MCM3AP: variants seen among roughly 807,000 people sequenced by gnomAD.
The protein encoded by MCM3AP is germinal-center associated nuclear protein.
A neutral mutation model predicts 184.1 loss-of-function variants in MCM3AP; 126 were observed. That is an observed-to-expected ratio of 0.68 (90% CI 0.59 to 0.79). MCM3AP has a LOEUF of 0.79. Ranked by LOEUF, MCM3AP falls within the 30% of genes least tolerant of loss-of-function variation. The probability of loss-of-function intolerance (pLI) is 0.00; values close to 1 mark genes in which losing one functional copy is unlikely to be tolerated. For missense variants in MCM3AP, 2,496 were observed against 2,479.2 expected (o/e 1.01, Z -0.14); for synonymous variants, 1,002 against 979.3 (o/e 1.02, Z -0.43).
At chr21:46,251,036 ACTTCTTTTT>A (rs2080859835) in intron 20 of MCM3AP, 1 of 152,250 alleles carries the variant, frequency 6.6e-6, no homozygotes, top group African/African-American at 2.4e-5. Flanking sequence ...GCATTATTTG[ACTTCTTTTT>A]AAGTACACGG....
intron 24 of MCM3AP, 23 bp from the exon 25 acceptor site, chr21:46,242,954 G>C: frequency 6.8e-7 from 1 of 1,469,412 alleles, no homozygotes; most frequent in Non-Finnish European, 9.1e-7. Flanking sequence ...TACAAAAACA[G>C]ATAAAGAGGC....
Position 46,280,583 on chromosome 21 carries a change from A to G in MCM3AP, c.1444-8T>C. On this transcript the variant is annotated splice_region_variant and splice_polypyrimidine_tract_variant and intron_variant, in intron 2 of 27. Coordinates refer to ENST00000291688, the MANE Select transcript of MCM3AP (RefSeq NM_003906.5). ...AGCCAGGGCTGCAGATGCCTGGAAA[A>G]CAGTCCACAACCGCCATGTGTGAGT... The G allele has an allele frequency of 1.3e-6, 2 of 1,594,072 alleles. No homozygotes were observed. Among genetic ancestry groups the G allele is most frequent in the Non-Finnish European group, 1.7e-6 (2 of 1,163,510 alleles).
chr21:46,270,273 G>A (rs769611415), intron 9 of MCM3AP, 128 bp downstream of exon 9: 9 of 854,142 alleles, frequency 1.1e-5, no homozygotes, highest in African/African-American at 1.7e-5. Flanking sequence ...CCCTTCGTGG[G>A]GCTGCTGCAA....
At chr21:46,256,655 C>CCG in intron 17 of MCM3AP, 134 bp downstream of exon 17, 1 of 1,141,486 alleles carries the variant, frequency 8.8e-7, no homozygotes, top group Non-Finnish European at 1.2e-6. Context: ...CTGTCCTCGC[C>CCG]TCCAGGCTTC....
chr21:46,281,641 G>A (rs1333406428), intron 2 of MCM3AP, among the ~76,000 whole-genome samples: 1 of 152,062 alleles, frequency 6.6e-6, no homozygotes, highest in Non-Finnish European at 1.5e-5. Flanking sequence ...GGGCCACATA[G>A]TGAAACTTCA....
chr21:46,282,994 C>T lies in MCM3AP; in HGVS notation c.1443+621G>A, dbSNP rs180967735. On this transcript the variant is annotated intron_variant, in intron 2 of 27. Coordinates refer to ENST00000291688, the MANE Select transcript of MCM3AP (RefSeq NM_003906.5). ...AGACTGGAGTGCAGTGGCACGAACTCGGCTCACTGCAACCGCCGCCTCCCG... is the reference window on the plus strand; with the variant it reads ...AGACTGGAGTGCAGTGGCACGAACTTGGCTCACTGCAACCGCCGCCTCCCG... Among the ~76,000 whole-genome samples, 32 of 151,618 alleles carry T rather than the reference C, an allele frequency of 2.1e-4. No individual in the cohort carries two copies. The East Asian group carries it at 5.3e-3, about 25-fold the overall frequency.
At position 46,261,213 on chromosome 21, in the gene MCM3AP, T is replaced by C. The variant is rs2839180; in HGVS notation, c.3467+67A>G. On this transcript the variant is annotated intron_variant, in intron 14 of 27. Coordinates refer to ENST00000291688, the MANE Select transcript of MCM3AP (RefSeq NM_003906.5). Reference sequence around the variant, plus strand: ...TGGACAATAGCAGGAGCATCGTGGCTAGGGTCAGTTCTTGCCTGTGTCCAC... The same window carrying C: ...TGGACAATAGCAGGAGCATCGTGGCCAGGGTCAGTTCTTGCCTGTGTCCAC... 0.65 allele frequency: 1,033,836 copies of C among 1,581,476 alleles called. 345,288 individuals carry two copies. Among genetic ancestry groups the C allele is most frequent in the Non-Finnish European group, 0.69 (795,313 of 1,157,308 alleles).
In MCM3AP at chr21:46,262,904, C is replaced by G. The variant is rs2081058304; in HGVS notation, c.3335+1213G>C. Among the ~76,000 whole-genome samples, 5 of 143,910 alleles carry G rather than the reference C, an allele frequency of 3.5e-5. No individual in the cohort carries two copies. The Admixed American group carries it at 3.5e-4, about 10-fold the overall frequency. 94.4% of individuals were successfully genotyped at this position (143,910 alleles called of 152,430 possible). A position where few individuals can be genotyped will look rare whatever the true frequency, so the allele number is the denominator to read the frequency against. Reference sequence around the variant, plus strand: ...ATGGCGTGAACCCCGGGGGGCGGAGCCTGCAGTGAGCCGAGATCACGCCAC... The same window carrying G: ...ATGGCGTGAACCCCGGGGGGCGGAGGCTGCAGTGAGCCGAGATCACGCCAC... On this transcript the variant is annotated intron_variant, in intron 13 of 27. Transcript: ENST00000291688.
intron 22 of MCM3AP, among the ~76,000 whole-genome samples, chr21:46,245,599 C>T (rs1208042949): frequency 6.6e-6 from 1 of 152,178 alleles, no homozygotes; most frequent in Non-Finnish European, 1.5e-5. Context: ...GGTTATCTTA[C>T]TTCCTATAGT....
Position 46,284,063 on chromosome 21 carries a change from C to T in MCM3AP, c.1219+5G>A. The stretch of plus-strand genomic sequence containing the variant: ...TACTCTATGTGCTACATTTTCAGAG[C>T]TCACCTTCTTTCTTCTCTCTACTTT... On this transcript the variant is annotated splice_donor_5th_base_variant and intron_variant, in intron 1 of 27. Coordinates refer to ENST00000291688, the MANE Select transcript of MCM3AP (RefSeq NM_003906.5). The T allele has an allele frequency of 6.2e-7, 1 of 1,608,346 alleles. No homozygotes were observed. Among genetic ancestry groups the T allele is most frequent in the Non-Finnish European group, 8.5e-7 (1 of 1,176,696 alleles).
At chr21:46,286,213 C>G (rs891988602), upstream of MCM3AP, 3 of 152,308 alleles carry the variant, frequency 2.0e-5, no homozygotes, top group Non-Finnish European at 4.4e-5. Context: ...ACTTGAGGCG[C>G]AAGCACAGGC....
Position 46,266,032 on chromosome 21 carries a change from G to A in MCM3AP, c.2924C>T (p.Pro975Leu). ...GAAGCTGCACACAGGGGTATGACGA[G>A]GGACGGGGGGCAATGGCCCTCCGTT... is the stretch of plus-strand genomic sequence containing the variant. ...IVNGGPLPPVPRHTPVCSFNS... is the reference protein window; with the variant it reads ...IVNGGPLPPVLRHTPVCSFNS... The change falls in exon 11 of 28, where the codon CCT (proline) becomes CTT (leucine). Residue 975 changes from proline (P) to leucine (L), a missense_variant. Around this residue, in one of 5 missense-constraint regions of MCM3AP, gnomAD observed 1,323 missense variants for 1,273.4 expected, o/e 1.04. Coordinates refer to ENST00000291688, the MANE Select transcript of MCM3AP (RefSeq NM_003906.5). 6.2e-7 allele frequency: 1 copy of A among 1,612,138 alleles called. No individual in the cohort carries two copies. Among genetic ancestry groups the A allele is most frequent in the East Asian group, 2.2e-5 (1 of 44,860 alleles).
At chr21:46,282,844 T>C (rs1396838377) in intron 2 of MCM3AP, among the ~76,000 whole-genome samples, 2 of 152,082 alleles carry the variant, frequency 1.3e-5, no homozygotes, top group Non-Finnish European at 2.9e-5. Context: ...GTATTATGCA[T>C]ACATTTAAAG....
chr21:46,267,056 C>T lies in MCM3AP; in HGVS notation c.2715G>A (p.Val905=). The stretch of plus-strand genomic sequence containing the variant: ...CACAGTCTCTGAACAGCAGCATGCG[C>T]ACCACACCATCCAGGGGAAAGATGG... The part of the protein sequence containing the change: ...RSTIFPLDGV[V]RMLLFRDCEE... The change falls in exon 10 of 28, where the codon GTG becomes GTA. Residue 905 remains valine, a synonymous_variant. Transcript: ENST00000291688. 6.2e-7 allele frequency: 1 copy of T among 1,614,212 alleles called. No homozygotes were observed. The highest frequency in any genetic ancestry group is 8.5e-7 in the Non-Finnish European group (1 of 1,180,028).
At position 46,235,258 on chromosome 21, in the gene MCM3AP, G is replaced by C. The variant is rs745324820; in HGVS notation, c.*10C>G. 3.2e-5 allele frequency: 52 copies of C among 1,613,936 alleles called. No homozygotes were observed. Among genetic ancestry groups the C allele is most frequent in the Non-Finnish European group, 6.8e-6 (8 of 1,179,948 alleles). On this transcript the variant is annotated 3_prime_UTR_variant, in exon 28 of 28. Transcript: ENST00000291688. ...TTCGGGAGAGACCCCCTCCCCACAG[G>C]TCAGGCTGCTCAAATGTCCACCATG... is the stretch of plus-strand genomic sequence containing the variant.
intron 12 of MCM3AP, 91 bp downstream of exon 12, chr21:46,265,230 C>T (rs1009051201): frequency 6.5e-6 from 8 of 1,221,580 alleles, no homozygotes; most frequent in South Asian, 2.6e-5. Flanking sequence ...AGAGACCAGG[C>T]GCCACAGCCC....
At position 46,284,590 on chromosome 21, in the gene MCM3AP, C is replaced by T. The variant is rs150775494; in HGVS notation, c.697G>A (p.Glu233Lys). Reference protein sequence around the residue: ...TPALSNQNVEEEKRGPKSIFG... With the variant: ...TPALSNQNVEKEKRGPKSIFG... ...ATTGACTTAGGTCCTCTCTTCTCTT[C>T]CTCTACATTTTGGTTTGACAAAGCA... Residue 233 changes from glutamate to lysine, a missense_variant, in exon 1 of 28, where the codon GAA (glutamate) becomes AAA (lysine). Physicochemically the swap from Glu to Lys is moderately conservative, Grantham distance 56 (BLOSUM62 1). Around this residue, in one of 5 missense-constraint regions of MCM3AP, gnomAD observed 800 missense variants for 717.1 expected, o/e 1.12. Coordinates refer to ENST00000291688, the MANE Select transcript of MCM3AP (RefSeq NM_003906.5). The T allele has an allele frequency of 6.2e-7, 1 of 1,614,074 alleles. No individual in the cohort carries two copies. Among genetic ancestry groups the T allele is most frequent in the African/African-American group, 1.3e-5 (1 of 74,930 alleles).
chr21:46,264,180 G>C lies in MCM3AP; in HGVS notation c.3272C>G (p.Ala1091Gly), dbSNP rs778965276. Residue 1091 changes from alanine (A) to glycine (G), a missense_variant, in exon 13 of 28, where the codon GCC (alanine) becomes GGC (glycine). This residue lies in a region of MCM3AP where 1,323 missense variants were observed against 1,273.4 expected (regional missense o/e 1.04). Coordinates refer to ENST00000291688, the MANE Select transcript of MCM3AP (RefSeq NM_003906.5). ...AACTTCCTCACAGTCCCTCTGCAGG[G>C]CCTCCTGGATGAGCTCGTCCACCAC... ...AQVVDELIQE[A>G]LQRDCEEVGS... 2 of 1,613,734 alleles carry C rather than the reference G, an allele frequency of 1.2e-6. No homozygotes were observed. The highest frequency in any genetic ancestry group is 1.3e-5 in the African/African-American group (1 of 75,048).
intron 10 of MCM3AP, chr21:46,266,496 A>T (rs1043623891): frequency 1.2e-5 from 3 of 256,564 alleles, no homozygotes; most frequent in Middle Eastern, 1.3e-3. Flanking sequence ...GACAGGCAGG[A>T]GGCAGGTGAG....
Sources: gnomAD v4.1 joint callset for allele counts (sites outside exome capture counted in the v4.1 genomes callset) on GRCh38, gnomAD v4.1.1 for gene constraint, gnomAD v4.1.1 regional missense constraint, MANE v1.5 for transcripts, NCBI Gene and HGNC (gene_info 2026-07-23, HGNC 2026-07-21) for gene names.